ZNF544: variants seen among roughly 807,000 people sequenced by gnomAD.
The protein encoded by ZNF544 is zinc finger protein AF020591.
Under a neutral mutation model 13.5 loss-of-function variants are expected in ZNF544, and 10 were observed. The observed-to-expected ratio is 0.74, with a 90% CI of 0.46 to 1.25. The LOEUF is 1.25. ZNF544 is among the 50% of genes most tolerant of loss of function. ZNF544 has a pLI of 0.00. For synonymous variants in ZNF544, 323 were observed against 300.5 expected (o/e 1.07, Z -0.77); for missense variants, 896 against 845.6 (o/e 1.06, Z -0.74).
At chr19:58,249,913 C>T (rs771725702) in intron 6 of ZNF544, among the ~76,000 whole-genome samples, 2 of 152,110 alleles carry the variant, frequency 1.3e-5, no homozygotes, top group African/African-American at 2.4e-5. Flanking sequence ...TGTTACAACC[C>T]GGCTGACTCC....
rs1450314896 is a variant in ZNF544 at position 58,262,468 on chromosome 19, G to T, written c.1862G>T (p.Arg621Met). Residue 621 changes from arginine to methionine, a missense_variant, in exon 7 of 7, where the codon AGG becomes ATG. By Grantham distance (91) the Arg-to-Met change is moderately conservative. Transcript: ENST00000687789. ...KAFNRSTQLI[R>M]HLQIHTGEKP... ...TTCAATCGAAGCACTCAGCTCATCAGGCATCTGCAAATTCACACTGGGGAG... is the reference window on the plus strand; with the variant it reads ...TTCAATCGAAGCACTCAGCTCATCATGCATCTGCAAATTCACACTGGGGAG... 6.2e-7 allele frequency: 1 copy of T among 1,613,994 alleles called. No homozygotes were observed. Among genetic ancestry groups the T allele is most frequent in the African/African-American group, 1.3e-5 (1 of 74,908 alleles).
chr19:58,275,107 T>C (rs911174580), intron 5 of ZNF544, among the ~76,000 whole-genome samples: 3 of 152,034 alleles, frequency 2.0e-5, no homozygotes, highest in Non-Finnish European at 1.5e-5. Context: ...CTTTTCCAGA[T>C]ACCGAATGAC....
At chr19:58,232,772 A>T (rs796165429) in intron 3 of ZNF544, among the ~76,000 whole-genome samples, 16,141 of 146,294 alleles carry the variant, frequency 0.11, 1,545 homozygotes, top group East Asian at 0.35. Context: ...TACTAAAAAA[A>T]AAAAAAAAAA....
chr19:58,232,946 CAAAAAAAAA>C (rs71190012), intron 3 of ZNF544, among the ~76,000 whole-genome samples: 1 of 46,078 alleles, frequency 2.2e-5, no homozygotes, highest in African/African-American at 7.3e-5. Context: ...GACTCCATCT[CAAAAAAAAA>C]AAAAAAAAAA....
At chr19:58,241,146 T>TATATATATATTTTA (rs2043565766) in intron 3 of ZNF544, among the ~76,000 whole-genome samples, 24 of 109,554 alleles carry the variant, frequency 2.2e-4, no homozygotes, top group African/African-American at 9.7e-4. Context: ...CAATTTAAAA[T>TATATATATATTTTA]ATATATATAT....
At chr19:58,248,125 G>T (rs2045662014) in intron 6 of ZNF544, among the ~76,000 whole-genome samples, 1 of 151,822 alleles carries the variant, frequency 6.6e-6, no homozygotes, top group Non-Finnish European at 1.5e-5. Context: ...TGTTGGCCAG[G>T]ATGGTCTCGA....
chr19:58,235,424 G>A (rs565661806), intron 3 of ZNF544, among the ~76,000 whole-genome samples: 1 of 152,192 alleles, frequency 6.6e-6, no homozygotes, highest in African/African-American at 2.4e-5. Flanking sequence ...GCACATGACG[G>A]TAGGCACAAA....
intron 3 of ZNF544, among the ~76,000 whole-genome samples, chr19:58,236,724 G>A (rs2042469505): frequency 6.7e-6 from 1 of 150,040 alleles, no homozygotes; most frequent in South Asian, 2.1e-4. Flanking sequence ...CCATTTGTGT[G>A]TATGTATCAT....
chr19:58,237,572 C>T (rs145142290), intron 3 of ZNF544, among the ~76,000 whole-genome samples: 80 of 152,356 alleles, frequency 5.3e-4, no homozygotes, highest in African/African-American at 1.6e-3. Context: ...GCCCCGCCAG[C>T]GGTCCGAGGG....
intron 3 of ZNF544, among the ~76,000 whole-genome samples, chr19:58,239,159 C>A (rs1474336391): frequency 6.6e-6 from 1 of 152,174 alleles, no homozygotes; most frequent in African/African-American, 2.4e-5. Flanking sequence ...AGTCCTGTGC[C>A]TGACACAGGC....
chr19:58,267,971 A>C (rs920335700), downstream of ZNF544, among the ~76,000 whole-genome samples: 1 of 150,890 alleles, frequency 6.6e-6, no homozygotes, highest in African/African-American at 2.4e-5. Flanking sequence ...ACAGAGCGAG[A>C]CTGCGTTTCA....
chr19:58,276,343 A>C, exon 6 of ZNF544: 1 of 1,231,630 alleles, frequency 8.1e-7, no homozygotes, highest in Non-Finnish European at 1.0e-6. Flanking sequence ...GCTGCCTGGG[A>C]GCTTTTTGGG....
chr19:58,253,098 G>T (rs577619386), intron 6 of ZNF544, among the ~76,000 whole-genome samples: 1 of 152,188 alleles, frequency 6.6e-6, no homozygotes, highest in Admixed American at 6.5e-5. Flanking sequence ...GATTATAGGC[G>T]TGAGCCACCG....
chr19:58,265,282 A>ATTTATT (rs2049714887), downstream of ZNF544, among the ~76,000 whole-genome samples: 15 of 147,460 alleles, frequency 1.0e-4, no homozygotes, highest in Admixed American at 2.1e-4. Flanking sequence ...CCATGTCTGC[A>ATTTATT]TATTTATTTA....
chr19:58,260,539 C>T (rs540161361), intron 6 of ZNF544: 15 of 202,010 alleles, frequency 7.4e-5, no homozygotes, highest in African/African-American at 3.2e-4. Context: ...CTCAGCCTCC[C>T]AAAGTTCTGG....
chr19:58,237,749 C>T (rs1402367849), intron 3 of ZNF544, among the ~76,000 whole-genome samples: 8 of 152,210 alleles, frequency 5.3e-5, no homozygotes. Context: ...AGTGTGTGAC[C>T]TGTGCCAGAA....
rs1356391847 is a variant in ZNF544, at chr19:58,262,911, A to T, written c.*157A>T. Reference sequence around the variant, plus strand: ...AGGACATATCCTGGAGAAAAGCCCTACGAATGCATTGATTGTGGGAAAGCC... The same window carrying T: ...AGGACATATCCTGGAGAAAAGCCCTTCGAATGCATTGATTGTGGGAAAGCC... On this transcript the variant is annotated 3_prime_UTR_variant, in exon 7 of 7. Coordinates refer to ENST00000687789, the MANE Select transcript of ZNF544 (RefSeq NM_014480.4). 2 of 1,456,836 alleles carry T rather than the reference A, an allele frequency of 1.4e-6. No individual in the cohort carries two copies. The highest frequency in any genetic ancestry group is 1.4e-5 in the African/African-American group (1 of 70,242). The allele number at this position is 1,456,836 out of a possible 1,614,324, so 90.2% of individuals were successfully genotyped here. A position where few individuals can be genotyped will look rare whatever the true frequency, so the allele number is the denominator to read the frequency against.
intron 3 of ZNF544, among the ~76,000 whole-genome samples, chr19:58,238,699 T>A (rs1033479723): frequency 6.6e-6 from 1 of 152,122 alleles, no homozygotes; most frequent in African/African-American, 2.4e-5. Flanking sequence ...TCTCCTCCTC[T>A]GTCTCTGGTC....
intron 5 of ZNF544, among the ~76,000 whole-genome samples, chr19:58,272,348 G>T (rs1047495925): frequency 6.6e-6 from 1 of 152,010 alleles, no homozygotes; most frequent in Admixed American, 6.6e-5. Context: ...GATCAACTGA[G>T]GCCGTGAGTT....
Sources: gnomAD v4.1 joint callset for allele counts (sites outside exome capture counted in the v4.1 genomes callset) on GRCh38, gnomAD v4.1.1 for gene constraint, MANE v1.5 for transcripts, NCBI Gene and HGNC (gene_info 2026-07-23, HGNC 2026-07-21) for gene names.